The following SLC25A25 variants were observed in gnomAD, a reference collection of about 807,000 sequenced individuals.
SLC25A25 encodes mitochondrial adenyl nucleotide antiporter SLC25A25.
In SLC25A25, 32 loss-of-function variants were observed where a neutral mutation model predicts 57.7. The ratio of observed to expected loss-of-function variants is 0.55; its 90% CI spans 0.42 to 0.74. The LOEUF (loss-of-function observed/expected upper bound fraction) is 0.74. Among genes scored for constraint, SLC25A25 ranks in the 30% least tolerant of loss-of-function variants. The pLI, the probability that SLC25A25 is intolerant of heterozygous loss-of-function variation, is 0.00. For missense variants in SLC25A25, 556 were observed against 701.3 expected, an observed-to-expected ratio of 0.79 and a Z score of 2.34; for synonymous variants, 306 against 291.2, an observed-to-expected ratio of 1.05 and a Z score of -0.52.
rs751448393 is a variant in SLC25A25, at chr9:128,107,272, G to A, written c.1376G>A (p.Gly459Asp). The A allele has an allele frequency of 3.5e-5, 56 of 1,600,810 alleles. No individual in the cohort carries two copies. Among genetic ancestry groups the A allele is most frequent in the African/African-American group, 1.5e-4 (11 of 74,682 alleles). The change falls in exon 11 of 11, where the codon GGC (glycine) becomes GAC (aspartate). Residue 459 changes from glycine (G) to aspartate (D), a missense_variant. Around this residue, in one of 3 missense-constraint regions of SLC25A25, gnomAD observed 294 missense variants for 389.6 expected, o/e 0.75. Coordinates refer to ENST00000373069, the MANE Select transcript of SLC25A25 (RefSeq NM_001330988.2). Reference protein sequence around the residue: ...TRMQAQASIEGAPEVTMSSLF... With the variant: ...TRMQAQASIEDAPEVTMSSLF... ...CTCCATCCTGCAGCCTCTATTGAGGGCGCTCCGGAGGTGACCATGAGCAGC... is the reference window on the plus strand; with the variant it reads ...CTCCATCCTGCAGCCTCTATTGAGGACGCTCCGGAGGTGACCATGAGCAGC...
intron 1 of SLC25A25, chr9:128,091,873 G>T: frequency 6.2e-7 from 1 of 1,608,192 alleles, no homozygotes; most frequent in African/African-American, 1.3e-5. Flanking sequence ...AGACCGTGAT[G>T]TTGCAGATGC....
chr9:128,103,500 A>G lies in SLC25A25; in HGVS notation c.625-181A>G, dbSNP rs1248537415. On this transcript the variant is annotated intron_variant, in intron 5 of 10. Coordinates refer to ENST00000373069, the MANE Select transcript of SLC25A25 (RefSeq NM_001330988.2). This position sits in a 1 kb window ranked among gnomAD's most constrained non-coding sequence, Gnocchi z 6.7. ...CCTCTCCAGGACCCCAGCAGGGGTG[A>G]GAGCTCTGCTACCTTCAGAGTGAAG... Among the ~76,000 whole-genome samples the G allele has an allele frequency of 6.6e-6, 1 of 152,222 alleles. No individual in the cohort carries two copies. Among genetic ancestry groups the G allele is most frequent in the East Asian group, 1.9e-4 (1 of 5,194 alleles).
At position 128,095,350 on chromosome 9, in the gene SLC25A25, T is replaced by C. The variant is rs893401516; in HGVS notation, c.262-5746T>C. On this transcript the variant is annotated intron_variant, in intron 1 of 10. Coordinates refer to ENST00000373069, the MANE Select transcript of SLC25A25 (RefSeq NM_001330988.2). The surrounding 1 kb of genome is among the most constrained non-coding windows in gnomAD (Gnocchi z 4.4). ...CCCTGCCCTTGACAGGCTTTGGGAA[T>C]TGGGCAAATCAGGTCGCCTCTCCCA... Among the ~76,000 whole-genome samples the C allele has an allele frequency of 2.0e-5, 3 of 152,162 alleles. No homozygotes were observed. Among genetic ancestry groups the C allele is most frequent in the Non-Finnish European group, 4.4e-5 (3 of 68,028 alleles).
chr9:128,097,809 C>T (rs577158581), intron 1 of SLC25A25, among the ~76,000 whole-genome samples: 125 of 152,272 alleles, frequency 8.2e-4, no homozygotes, highest in African/African-American at 2.9e-3. Flanking sequence ...TCTGGGGCTC[C>T]TAGGTGAAGG....
chr9:128,075,194 C>G (rs1359232074), intron 1 of SLC25A25, among the ~76,000 whole-genome samples: 1 of 152,124 alleles, frequency 6.6e-6, no homozygotes, highest in African/African-American at 2.4e-5. Context: ...TGTAGTCTAG[C>G]TACTCGGGAG....
intron 1 of SLC25A25, among the ~76,000 whole-genome samples, chr9:128,075,948 A>G (rs953141885): frequency 3.3e-5 from 5 of 152,182 alleles, no homozygotes; most frequent in African/African-American, 1.2e-4. Flanking sequence ...CTTCATTTCT[A>G]TTCCAGCTGA....
rs116892997 is a variant in SLC25A25, at chr9:128,098,535, G to C, written c.262-2561G>C. On this transcript the variant is annotated intron_variant, in intron 1 of 10. Coordinates refer to ENST00000373069, the MANE Select transcript of SLC25A25 (RefSeq NM_001330988.2). ...ATTTAGGGAACTTGCTCCCGGTGGTGAGGGCAGTGGAGCACCCAGCAGGCC... is the reference window on the plus strand; with the variant it reads ...ATTTAGGGAACTTGCTCCCGGTGGTCAGGGCAGTGGAGCACCCAGCAGGCC... The C allele has an allele frequency of 1.6e-3, 2,469 of 1,583,390 alleles. 53 individuals are homozygous for C. The East Asian group carries it at 0.037, about 24-fold the overall frequency.
At position 128,103,914 on chromosome 9, in the gene SLC25A25, T is replaced by C; in HGVS notation, c.783+75T>C. On this transcript the variant is annotated intron_variant, in intron 6 of 10. Transcript: ENST00000373069. The surrounding 1 kb of genome is among the most constrained non-coding windows in gnomAD (Gnocchi z 6.7). Reference sequence around the variant, plus strand: ...GGGATGCTGCTTGGCTAGTTTTCCCTTTCTCTGGCTGGTGCCTGCTTTGGG... The same window carrying C: ...GGGATGCTGCTTGGCTAGTTTTCCCCTTCTCTGGCTGGTGCCTGCTTTGGG... 1 of 1,429,658 alleles carries C rather than the reference T, an allele frequency of 7.0e-7. No homozygotes were observed. Among genetic ancestry groups the C allele is most frequent in the Non-Finnish European group, 9.2e-7 (1 of 1,083,688 alleles). 88.6% of individuals were successfully genotyped at this position (1,429,658 alleles called of 1,614,324 possible). A position where few individuals can be genotyped will look rare whatever the true frequency, so the allele number is the denominator to read the frequency against.
intron 1 of SLC25A25, among the ~76,000 whole-genome samples, chr9:128,071,655 G>A: frequency 6.9e-6 from 1 of 144,230 alleles, no homozygotes; most frequent in East Asian, 2.1e-4. Flanking sequence ...CAGATGATCT[G>A]CCCGCCTTGG....
chr9:128,089,476 G>A (rs1019748257), intron 1 of SLC25A25, among the ~76,000 whole-genome samples: 20 of 152,052 alleles, frequency 1.3e-4, no homozygotes, highest in African/African-American at 4.8e-4. Context: ...TTGGAATTTG[G>A]GGTCTGGCTC....
At chr9:128,086,555 A>G (rs1588761561) in intron 1 of SLC25A25, among the ~76,000 whole-genome samples, 1 of 151,434 alleles carries the variant, frequency 6.6e-6, no homozygotes, top group Admixed American at 6.6e-5. Flanking sequence ...CTGGTCTCGA[A>G]CTCCCGACCT....
rs1471438716 is a variant in SLC25A25, at chr9:128,106,416, A to T, written c.1108A>T (p.Arg370Trp). Residue 370 changes from arginine to tryptophan, a missense_variant, in exon 9 of 11, where the codon AGG (arginine) becomes TGG (tryptophan). By Grantham distance (101) the Arg-to-Trp change is moderately radical. Coordinates refer to ENST00000373069, the MANE Select transcript of SLC25A25 (RefSeq NM_001330988.2). ...GQYSGMLDCA[R>W]RILAREGVAA... ...GTACTCAGGAATGCTGGACTGCGCC[A>T]GGAGGATCCTGGCCAGAGAGGGGGT... 1 of 1,613,728 alleles carries T rather than the reference A, an allele frequency of 6.2e-7. No individual in the cohort carries two copies. Among genetic ancestry groups the T allele is most frequent in the Admixed American group, 1.7e-5 (1 of 60,020 alleles).
Position 128,107,445 on chromosome 9 carries a change from C to CG in SLC25A25, c.*7dup, listed in dbSNP as rs759027068. ...CACCCTGGGCGTGCAGTCGCGGTGA[C>CG]GGGGGGAGGGCCGCCCGGCAGTGGA... On this transcript the variant is annotated 3_prime_UTR_variant, in exon 11 of 11. Transcript: ENST00000373069. 34 of 1,504,786 alleles carry CG rather than the reference C, an allele frequency of 2.3e-5. No individual in the cohort carries two copies. The highest frequency in any genetic ancestry group is 1.8e-4 in the Middle Eastern group (1 of 5,530). 93.2% of individuals were successfully genotyped at this position (1,504,786 alleles called of 1,614,324 possible). A position where few individuals can be genotyped will look rare whatever the true frequency, so the allele number is the denominator to read the frequency against.
intron 6 of SLC25A25, among the ~76,000 whole-genome samples, chr9:128,105,186 T>TC (rs1564195559): frequency 2.5e-5 from 2 of 80,998 alleles, no homozygotes; most frequent in African/African-American, 9.3e-5. Flanking sequence ...TTTTTTTTTT[T>TC]CTAAAATAGA....
chr9:128,084,833 C>T (rs1833240347), intron 1 of SLC25A25, among the ~76,000 whole-genome samples: 1 of 152,156 alleles, frequency 6.6e-6, no homozygotes, highest in South Asian at 2.1e-4. Flanking sequence ...ATTCTTAGAA[C>T]AGTGGTTATT....
At position 128,108,013 on chromosome 9, in the gene SLC25A25, G is replaced by T. The variant is rs2130832415; in HGVS notation, c.*569G>T. The T allele has an allele frequency of 2.5e-6, 1 of 398,906 alleles. No homozygotes were observed. Among genetic ancestry groups the T allele is most frequent in the Non-Finnish European group, 4.4e-6 (1 of 226,226 alleles). 24.7% of individuals were successfully genotyped at this position (398,906 alleles called of 1,614,324 possible). A position where few individuals can be genotyped will look rare whatever the true frequency, so the allele number is the denominator to read the frequency against. Reference sequence around the variant, plus strand: ...TGACGCCAACTTGGCTGTGAAGGAAGAGGAAAGGATCTGGCCTTGTGGTCA... The same window carrying T: ...TGACGCCAACTTGGCTGTGAAGGAATAGGAAAGGATCTGGCCTTGTGGTCA... On this transcript the variant is annotated 3_prime_UTR_variant, in exon 11 of 11. Transcript: ENST00000373069.
At chr9:128,076,168 G>A (rs994561271) in intron 1 of SLC25A25, among the ~76,000 whole-genome samples, 2 of 152,092 alleles carry the variant, frequency 1.3e-5, no homozygotes, top group African/African-American at 4.8e-5. Flanking sequence ...ATCTTGTTCT[G>A]TCACCCAGGC....
chr9:128,091,689 C>T (rs190132281), intron 1 of SLC25A25: 13 of 1,311,318 alleles, frequency 9.9e-6, no homozygotes, highest in Middle Eastern at 2.9e-4. Flanking sequence ...CTTCTCAGGC[C>T]GGGCACGACA....
chr9:128,080,235 A>C (rs1042347256), intron 1 of SLC25A25, among the ~76,000 whole-genome samples: 2 of 56,224 alleles, frequency 3.6e-5, no homozygotes, highest in Admixed American at 1.9e-4. Context: ...CATCTAAAAA[A>C]AAAAAACAAA....
Sources: allele counts gnomAD v4.1 joint callset (sites outside exome capture counted in the v4.1 genomes callset), GRCh38; gene constraint gnomAD v4.1.1; regional missense constraint gnomAD v4.1.1; non-coding constraint Gnocchi (gnomAD v3.1); transcripts MANE v1.5; gene names NCBI Gene and HGNC (gene_info 2026-07-23, HGNC 2026-07-21).